FOXN2: variants seen among roughly 807,000 people sequenced by gnomAD.
FOXN2 encodes the protein forkhead box N2, also known as forkhead box protein N2.
In FOXN2, 19 loss-of-function variants were observed where a neutral mutation model predicts 41.2. The ratio of observed to expected loss-of-function variants is 0.46; its 90% CI spans 0.32 to 0.68. The LOEUF is 0.68. Among genes scored for constraint, FOXN2 ranks in the 30% least tolerant of loss-of-function variants. The pLI is 0.03. For synonymous variants in FOXN2, 195 were observed against 176.8 expected (o/e 1.10, Z -0.82); for missense variants, 587 against 509.4 (o/e 1.15, Z -1.47).
chr2:48,358,501 G>C (rs1352532513), intron 3 of FOXN2, among the ~76,000 whole-genome samples: 1 of 152,062 alleles, frequency 6.6e-6, no homozygotes, highest in Non-Finnish European at 1.5e-5. Flanking sequence ...CTATAGAACG[G>C]TGTTCTTTCA....
chr2:48,340,729 G>T (rs189162077), intron 2 of FOXN2: 1 of 151,868 alleles, frequency 6.6e-6, no homozygotes, highest in African/African-American at 2.4e-5. Context: ...TGACTATATC[G>T]CAAGTAATTG....
In FOXN2 at chr2:48,359,211, A is replaced by C. The variant is rs932247398; in HGVS notation, c.638+64A>C. 2.7e-6 allele frequency: 3 copies of C among 1,094,228 alleles called. 1 individual carries two copies. Among genetic ancestry groups the C allele is most frequent in the South Asian group, 2.6e-5 (2 of 77,414 alleles). 67.8% of individuals were successfully genotyped at this position (1,094,228 alleles called of 1,614,324 possible). Reference sequence around the variant, plus strand: ...GGATTTCACTGTGTGAGATGGAGAAACTTAAAGGTCCAGGGTATTATGTTT... The same window carrying C: ...GGATTTCACTGTGTGAGATGGAGAACCTTAAAGGTCCAGGGTATTATGTTT... On this transcript the variant is annotated intron_variant, in intron 4 of 6. Coordinates refer to ENST00000340553, the MANE Select transcript of FOXN2 (RefSeq NM_002158.4).
chr2:48,319,241 C>G (rs1210430919), intron 1 of FOXN2, among the ~76,000 whole-genome samples: 1 of 147,978 alleles, frequency 6.8e-6, no homozygotes, highest in Non-Finnish European at 1.5e-5. Flanking sequence ...CTGTGAGAAG[C>G]CATGCTTACA....
At chr2:48,372,587 A>G (rs1158710890) in intron 5 of FOXN2, among the ~76,000 whole-genome samples, 1 of 152,178 alleles carries the variant, frequency 6.6e-6, no homozygotes, top group Non-Finnish European at 1.5e-5. Flanking sequence ...TGAAGAACTT[A>G]CAGCAGTAAA....
At chr2:48,329,981 C>T (rs1175783016) in intron 2 of FOXN2, among the ~76,000 whole-genome samples, 1 of 151,348 alleles carries the variant, frequency 6.6e-6, no homozygotes, top group African/African-American at 2.4e-5. Context: ...TTTATTTTTG[C>T]TACTGACTAG....
chr2:48,367,572 A>T (rs942651418), intron 5 of FOXN2, among the ~76,000 whole-genome samples: 5 of 152,206 alleles, frequency 3.3e-5, no homozygotes, highest in African/African-American at 1.2e-4. Flanking sequence ...TGCTCTGCAA[A>T]TGTATATATT....
intron 5 of FOXN2, 29 bp from the exon 6 acceptor site, chr2:48,373,263 A>G: frequency 2.0e-6 from 3 of 1,492,878 alleles, no homozygotes; most frequent in Non-Finnish European, 2.8e-6. Flanking sequence ...TATAAAGAAC[A>G]TTAATATTAT....
intron 2 of FOXN2, among the ~76,000 whole-genome samples, chr2:48,337,707 A>G (rs750374017): frequency 3.5e-4 from 54 of 152,204 alleles, no homozygotes; most frequent in Non-Finnish European, 6.0e-4. Context: ...GAAAGCTAGT[A>G]TATAATTTCA....
At position 48,378,161 on chromosome 2, in the gene FOXN2, ACT is replaced by A. The variant is rs1015014392; in HGVS notation, c.*2719_*2720del. 4.8e-4 allele frequency: 73 copies of A among 152,526 alleles called. No homozygotes were observed. Among genetic ancestry groups the A allele is most frequent in the African/African-American group, 1.7e-3 (70 of 41,548 alleles). 9.4% of individuals were successfully genotyped at this position (152,526 alleles called of 1,614,324 possible). A position where few individuals can be genotyped will look rare whatever the true frequency, so the allele number is the denominator to read the frequency against. ...TCATCTTCACATCCCAAACAGAATCACTGTTTCTTGAATATATATTTTTGAAG... is the reference window on the plus strand; with the variant it reads ...TCATCTTCACATCCCAAACAGAATCAGTTTCTTGAATATATATTTTTGAAG... On this transcript the variant is annotated 3_prime_UTR_variant, in exon 7 of 7. Transcript: ENST00000340553.
At chr2:48,347,447 TGGA>T (rs1440295738) in intron 3 of FOXN2, among the ~76,000 whole-genome samples, 1 of 151,868 alleles carries the variant, frequency 6.6e-6, no homozygotes, top group African/African-American at 2.4e-5. Context: ...AGACTGGTCT[TGGA>T]ACTCCTGACC....
upstream of FOXN2, among the ~76,000 whole-genome samples, chr2:48,314,332 G>A (rs750167361): frequency 6.6e-6 from 1 of 152,226 alleles, no homozygotes; most frequent in African/African-American, 2.4e-5. Flanking sequence ...GACATGCGAG[G>A]CCTTTGCATT....
intron 5 of FOXN2, among the ~76,000 whole-genome samples, chr2:48,366,798 T>A (rs771061809): frequency 2.0e-5 from 3 of 151,886 alleles, no homozygotes; most frequent in Non-Finnish European, 4.4e-5. Flanking sequence ...AGGATTCAGA[T>A]TGAATAATTC....
At chr2:48,360,787 T>TG (rs1313189945) in intron 4 of FOXN2, among the ~76,000 whole-genome samples, 1 of 151,160 alleles carries the variant, frequency 6.6e-6, no homozygotes, top group Admixed American at 6.6e-5. Flanking sequence ...TTAGCTGTGT[T>TG]GGGTTTTTTT....
At chr2:48,354,822 A>G (rs1671682853) in intron 3 of FOXN2, among the ~76,000 whole-genome samples, 1 of 152,370 alleles carries the variant, frequency 6.6e-6, no homozygotes, top group Admixed American at 6.5e-5. Context: ...TAGGCAATAA[A>G]CATAAACAAA....
intron 2 of FOXN2, among the ~76,000 whole-genome samples, chr2:48,336,986 A>C (rs953058332): frequency 4.6e-5 from 7 of 152,136 alleles, no homozygotes; most frequent in African/African-American, 1.7e-4. Context: ...AAGTTATTTA[A>C]AAATATACAA....
intron 1 of FOXN2, among the ~76,000 whole-genome samples, chr2:48,317,595 C>CTTT (rs574980247): frequency 0.033 from 1,150 of 34,746 alleles, 351 homozygotes; most frequent in South Asian, 0.067. Flanking sequence ...TATAGTATTG[C>CTTT]TTTTTTTTTT....
Position 48,375,736 on chromosome 2 carries a change from A to G in FOXN2, c.*293A>G, listed in dbSNP as rs1572788930. ...CCAGCCTCTGTCTTAAACTTGTGGG[A>G]CAAAAATCCTTTCTTCTGTTAATAT... is the stretch of plus-strand genomic sequence containing the variant. On this transcript the variant is annotated 3_prime_UTR_variant, in exon 7 of 7. Coordinates refer to ENST00000340553, the MANE Select transcript of FOXN2 (RefSeq NM_002158.4). 1 of 238,992 alleles carries G rather than the reference A, an allele frequency of 4.2e-6. No homozygotes were observed. Among genetic ancestry groups the G allele is most frequent in the Non-Finnish European group, 8.1e-6 (1 of 123,362 alleles). 14.8% of individuals were successfully genotyped at this position (238,992 alleles called of 1,614,324 possible). A position where few individuals can be genotyped will look rare whatever the true frequency, so the allele number is the denominator to read the frequency against.
In FOXN2 at chr2:48,354,585, C is replaced by T. The variant is rs372473845; in HGVS notation, c.538-4462C>T. ...ACTGCACTCCAGCCTGGCAACAGAG[C>T]GAGACTTCGTCTCAAAAACAAAAAA... On this transcript the variant is annotated intron_variant, in intron 3 of 6. Transcript: ENST00000340553. Among the ~76,000 whole-genome samples, 444 of 152,144 alleles carry T rather than the reference C, an allele frequency of 2.9e-3. 1 individual carries two copies. Among genetic ancestry groups the T allele is most frequent in the South Asian group, 0.017 (80 of 4,824 alleles).
At chr2:48,344,275 A>AT (rs1295964328) in intron 2 of FOXN2, among the ~76,000 whole-genome samples, 2 of 152,154 alleles carry the variant, frequency 1.3e-5, no homozygotes, top group African/African-American at 4.8e-5. Context: ...TTATCGTTTG[A>AT]TCTTTTCCTT....
Sources: allele counts gnomAD v4.1 joint callset (sites outside exome capture counted in the v4.1 genomes callset), GRCh38; gene constraint gnomAD v4.1.1; transcripts MANE v1.5; gene names NCBI Gene and HGNC (gene_info 2026-07-23, HGNC 2026-07-21).